The following CFAP299 variants were observed in gnomAD, a reference collection of about 807,000 sequenced individuals.
The protein encoded by CFAP299 is cilia- and flagella-associated protein 299.
In CFAP299, 21 loss-of-function variants were observed where a neutral mutation model predicts 27.0. That is an observed-to-expected ratio of 0.78 (90% confidence interval 0.55 to 1.12). CFAP299 has a LOEUF of 1.12. Among genes scored for constraint, CFAP299 ranks in the 50% most tolerant of loss-of-function variants. The probability of loss-of-function intolerance (pLI) is 0.00; values close to 1 mark genes in which losing one functional copy is unlikely to be tolerated. For synonymous variants in CFAP299, 104 were observed against 98.1 expected, an observed-to-expected ratio of 1.06 and a Z score of -0.36; for missense variants, 310 against 276.6, an observed-to-expected ratio of 1.12 and a Z score of -0.86.
intron 3 of CFAP299, among the ~76,000 whole-genome samples, chr4:80,668,798 G>A (rs4693615): frequency 0.71 from 108,244 of 151,982 alleles, 41,715 homozygotes; most frequent in Non-Finnish European, 0.85. Context: ...TTGACTACTC[G>A]AAGTCTTCTG....
intron 3 of CFAP299, among the ~76,000 whole-genome samples, chr4:80,606,088 C>T (rs917537309): frequency 6.6e-6 from 1 of 152,148 alleles, no homozygotes; most frequent in African/African-American, 2.4e-5. Flanking sequence ...CTGATGAATA[C>T]ATTTTTAAAA....
At chr4:80,617,756 A>G (rs573151454) in intron 3 of CFAP299, among the ~76,000 whole-genome samples, 1 of 152,260 alleles carries the variant, frequency 6.6e-6, no homozygotes, top group East Asian at 1.9e-4. Context: ...GAAAGAACTA[A>G]GGGATAACCA....
intron 2 of CFAP299, among the ~76,000 whole-genome samples, chr4:80,373,614 T>C (rs778488659): frequency 6.6e-5 from 10 of 152,308 alleles, no homozygotes; most frequent in Non-Finnish European, 1.3e-4. Flanking sequence ...GTTCAAGGAT[T>C]ACCATGTTCT....
intron 3 of CFAP299, among the ~76,000 whole-genome samples, chr4:80,709,633 C>T (rs547503253): frequency 3.5e-4 from 53 of 152,234 alleles, no homozygotes; most frequent in South Asian, 2.9e-3. Context: ...ACACGAACAC[C>T]GATCAGGTCC....
intron 3 of CFAP299, among the ~76,000 whole-genome samples, chr4:80,801,201 C>G (rs1226345446): frequency 6.7e-6 from 1 of 150,152 alleles, no homozygotes; most frequent in Non-Finnish European, 1.5e-5. Flanking sequence ...TTTTTTTTAA[C>G]CTTTTGAACA....
intron 2 of CFAP299, among the ~76,000 whole-genome samples, chr4:80,449,148 T>G (rs965967092): frequency 2.6e-5 from 4 of 152,196 alleles, no homozygotes; most frequent in Admixed American, 2.6e-4. Flanking sequence ...CGTTTTGATT[T>G]TTAGGCAAAG....
intron 3 of CFAP299, among the ~76,000 whole-genome samples, chr4:80,735,524 G>C (rs1344597378): frequency 6.6e-6 from 1 of 152,062 alleles, no homozygotes; most frequent in East Asian, 1.9e-4. Flanking sequence ...CCATTTAAAA[G>C]TAAAAGCTCT....
At chr4:80,447,440 G>GTTTGTTT (rs1462296307) in intron 2 of CFAP299, among the ~76,000 whole-genome samples, 1 of 138,466 alleles carries the variant, frequency 7.2e-6, no homozygotes, top group East Asian at 2.3e-4. Flanking sequence ...CGGCCTATTT[G>GTTTGTTT]TTTGTTTTTT....
At chr4:80,652,426 C>G (rs912775469) in intron 3 of CFAP299, among the ~76,000 whole-genome samples, 6 of 151,908 alleles carry the variant, frequency 3.9e-5, no homozygotes, top group Admixed American at 3.9e-4. Context: ...AAGAGAGAAG[C>G]GGGTGTAATC....
chr4:80,632,385 A>C (rs1739256854), intron 3 of CFAP299, among the ~76,000 whole-genome samples: 1 of 152,214 alleles, frequency 6.6e-6, no homozygotes, highest in Non-Finnish European at 1.5e-5. Flanking sequence ...CATTTATTAA[A>C]AATAGTAATT....
chr4:80,814,792 C>A (rs1456697098), intron 3 of CFAP299, among the ~76,000 whole-genome samples: 1 of 151,220 alleles, frequency 6.6e-6, no homozygotes, highest in Non-Finnish European at 1.5e-5. Context: ...CACAGTAAAG[C>A]CTGAGGTAAC....
At chr4:80,486,579 A>C (rs1243781660) in intron 2 of CFAP299, among the ~76,000 whole-genome samples, 1 of 152,236 alleles carries the variant, frequency 6.6e-6, no homozygotes, top group African/African-American at 2.4e-5. Flanking sequence ...GTGAGGATGC[A>C]ATGCAATAAG....
chr4:80,407,840 T>G (rs1001842587), intron 2 of CFAP299, among the ~76,000 whole-genome samples: 1 of 152,218 alleles, frequency 6.6e-6, no homozygotes, highest in Non-Finnish European at 1.5e-5. Context: ...TATTTATAAG[T>G]GTTCCTAAAA....
intron 2 of CFAP299, among the ~76,000 whole-genome samples, chr4:80,540,585 C>A (rs537201959): frequency 3.9e-5 from 6 of 152,016 alleles, no homozygotes; most frequent in African/African-American, 1.4e-4. Flanking sequence ...TAGCTAGAAA[C>A]CAAAACAAAG....
chr4:80,819,577 A>G (rs1269707299), intron 3 of CFAP299, among the ~76,000 whole-genome samples: 4 of 152,310 alleles, frequency 2.6e-5, no homozygotes, highest in African/African-American at 4.8e-5. Flanking sequence ...GGAGGAATAA[A>G]TTGCATAACT....
intron 3 of CFAP299, among the ~76,000 whole-genome samples, chr4:80,590,499 G>A (rs751134881): frequency 7.9e-5 from 12 of 152,110 alleles, no homozygotes; most frequent in Non-Finnish European, 1.5e-5. Flanking sequence ...ATAGCCGGGT[G>A]TGGTGGCGGG....
At chr4:80,593,508 G>A (rs1458122458) in intron 3 of CFAP299, among the ~76,000 whole-genome samples, 6 of 152,036 alleles carry the variant, frequency 3.9e-5, no homozygotes, top group Non-Finnish European at 2.9e-5. Flanking sequence ...CAAATCTATG[G>A]GCATAAAGTT....
intron 2 of CFAP299, among the ~76,000 whole-genome samples, chr4:80,485,326 T>C (rs1399241351): frequency 6.6e-6 from 1 of 151,146 alleles, no homozygotes; most frequent in African/African-American, 2.4e-5. Context: ...TCAGAAAAAT[T>C]CAGAATGTGA....
At chr4:80,777,627 T>C (rs1726628584) in intron 3 of CFAP299, among the ~76,000 whole-genome samples, 1 of 152,156 alleles carries the variant, frequency 6.6e-6, no homozygotes, top group African/African-American at 2.4e-5. Flanking sequence ...AGGAATTATC[T>C]TGAAATGCGT....
Sources: gnomAD v4.1 joint callset for allele counts (sites outside exome capture counted in the v4.1 genomes callset) on GRCh38, gnomAD v4.1.1 for gene constraint, MANE v1.5 for transcripts, NCBI Gene and HGNC (gene_info 2026-07-23, HGNC 2026-07-21) for gene names.